SCGB2B2: variants seen among roughly 807,000 people sequenced by gnomAD.
The protein encoded by SCGB2B2 is secretoglobin family 2B member 2.
In SCGB2B2, 11 loss-of-function variants were observed where a neutral mutation model predicts 7.6. That is an observed-to-expected ratio of 1.45 (90% CI 0.91 to 2.40). SCGB2B2 has a LOEUF of 2.40. Among genes scored for constraint, SCGB2B2 ranks in the 30% most tolerant of loss-of-function variants. The pLI is 0.00. For synonymous variants in SCGB2B2, 50 were observed against 48.6 expected, an observed-to-expected ratio of 1.03 and a Z score of -0.12; for missense variants, 104 against 115.4, an observed-to-expected ratio of 0.90 and a Z score of 0.45.
intron 1 of SCGB2B2, among the ~76,000 whole-genome samples, chr19:34,613,102 CTTT>C (rs35050277): frequency 0.83 from 118,257 of 141,946 alleles, 49,771 homozygotes; most frequent in Middle Eastern, 0.9. Context: ...ATTTTCTTTT[CTTT>C]TTTTTTTTTT....
At position 34,594,370 on chromosome 19, in the gene SCGB2B2, TGAG is replaced by T; in HGVS notation, c.62-14_62-12del. On this transcript the variant is annotated splice_polypyrimidine_tract_variant and intron_variant, in intron 2 of 3. Transcript: ENST00000601241. ...CCAGGCAGGCATCCCCTGTGGAGGA[TGAG>T]GTGAGATAAGAAAACAGAGGAGGTC... 1 of 1,612,458 alleles carries T rather than the reference TGAG, an allele frequency of 6.2e-7. No individual in the cohort carries two copies. Among genetic ancestry groups the T allele is most frequent in the Non-Finnish European group, 8.5e-7 (1 of 1,178,850 alleles).
At chr19:34,630,483 C>T (rs1294787778) in intron 1 of SCGB2B2, among the ~76,000 whole-genome samples, 1 of 151,978 alleles carries the variant, frequency 6.6e-6, no homozygotes, top group South Asian at 2.1e-4. Context: ...CAAAAAAAGA[C>T]ACTTATGCAG....
At chr19:34,623,483 G>T (rs1358672776) in intron 1 of SCGB2B2, among the ~76,000 whole-genome samples, 4 of 152,160 alleles carry the variant, frequency 2.6e-5, no homozygotes, top group Non-Finnish European at 5.9e-5. Context: ...TCTGGGTCCT[G>T]GTGGCCATCA....
intron 1 of SCGB2B2, among the ~76,000 whole-genome samples, chr19:34,621,380 T>C (rs754826713): frequency 1.5e-4 from 23 of 151,896 alleles, no homozygotes; most frequent in Non-Finnish European, 1.5e-4. Flanking sequence ...GTGGGTTATA[T>C]TCACCTCTAA....
chr19:34,600,799 A>G (rs1198624824), intron 1 of SCGB2B2, among the ~76,000 whole-genome samples: 1 of 152,056 alleles, frequency 6.6e-6, no homozygotes, highest in Non-Finnish European at 1.5e-5. Context: ...TTAGTTGTTG[A>G]AAATGTCTTC....
intron 1 of SCGB2B2, among the ~76,000 whole-genome samples, chr19:34,659,288 A>G (rs1359964635): frequency 6.6e-6 from 1 of 152,250 alleles, no homozygotes; most frequent in Non-Finnish European, 1.5e-5. Context: ...AGTTCTGGCC[A>G]GGGCAATAAG....
chr19:34,655,399 T>A (rs1187510172), intron 1 of SCGB2B2, among the ~76,000 whole-genome samples: 1 of 151,222 alleles, frequency 6.6e-6, no homozygotes, highest in Admixed American at 6.6e-5. Context: ...AACCCAGGCA[T>A]TCCTTTTTAT....
At chr19:34,607,043 AT>A (rs2065800963) in intron 1 of SCGB2B2, among the ~76,000 whole-genome samples, 1 of 152,102 alleles carries the variant, frequency 6.6e-6, no homozygotes, top group South Asian at 2.1e-4. Context: ...TCACTCATTC[AT>A]CCCCCGGCTA....
In SCGB2B2 at chr19:34,652,102, CT is replaced by C. The variant is rs1375330143; in HGVS notation, c.-2032+23527del. Among the ~76,000 whole-genome samples, 5 of 151,132 alleles carry C rather than the reference CT, an allele frequency of 3.3e-5. 1 individual carries two copies. Among genetic ancestry groups the C allele is most frequent in the African/African-American group, 7.4e-5 (3 of 40,524 alleles). ...TGCCAAAAAAAATGAAACTAGACCC[CT>C]ATCTCTCATTATATTGATAAAATCA... On this transcript the variant is annotated intron_variant, in intron 1 of 3. Coordinates refer to ENST00000601241, the MANE Select transcript of SCGB2B2 (RefSeq NM_001025591.4).
intron 1 of SCGB2B2, among the ~76,000 whole-genome samples, chr19:34,602,584 G>T (rs192143024): frequency 1.3e-5 from 2 of 152,068 alleles, no homozygotes; most frequent in Non-Finnish European, 2.9e-5. Flanking sequence ...AGATAAGGCG[G>T]GAAATGAAAA....
intron 1 of SCGB2B2, among the ~76,000 whole-genome samples, chr19:34,631,250 A>G (rs569410605): frequency 6.6e-6 from 1 of 152,280 alleles, no homozygotes; most frequent in South Asian, 2.1e-4. Flanking sequence ...TGTACCCTAA[A>G]ACTTAAAGTG....
intron 1 of SCGB2B2, among the ~76,000 whole-genome samples, chr19:34,631,631 G>C (rs2066538181): frequency 6.6e-6 from 1 of 152,032 alleles, no homozygotes; most frequent in African/African-American, 2.4e-5. Context: ...AATAAAGGGA[G>C]AGATATGCCA....
chr19:34,606,511 CTTTTTCT>C (rs1014248733), intron 1 of SCGB2B2, among the ~76,000 whole-genome samples: 2,647 of 92,632 alleles, frequency 0.029, 33 homozygotes, highest in South Asian at 0.063. Flanking sequence ...TTTTTCTTTT[CTTTTTCT>C]TTTTTTTTTT....
At chr19:34,642,600 C>A (rs1208679580) in intron 1 of SCGB2B2, among the ~76,000 whole-genome samples, 1 of 151,172 alleles carries the variant, frequency 6.6e-6, no homozygotes, top group African/African-American at 2.4e-5. Flanking sequence ...CTTGTAATCC[C>A]AGCTACTTGA....
At chr19:34,611,357 T>C (rs1267073354) in intron 1 of SCGB2B2, among the ~76,000 whole-genome samples, 1 of 152,142 alleles carries the variant, frequency 6.6e-6, no homozygotes, top group East Asian at 1.9e-4. Context: ...CTCCTACTAA[T>C]TTTGGGTTTG....
chr19:34,635,953 C>T (rs1386936998), intron 1 of SCGB2B2, among the ~76,000 whole-genome samples: 3 of 152,200 alleles, frequency 2.0e-5, no homozygotes, highest in Admixed American at 6.5e-5. Context: ...CCCGTGTGTG[C>T]AGTTTGTGCC....
At chr19:34,644,357 T>G (rs912291687) in intron 1 of SCGB2B2, among the ~76,000 whole-genome samples, 8 of 101,412 alleles carry the variant, frequency 7.9e-5, no homozygotes, top group Non-Finnish European at 1.2e-4. Context: ...TTTGTTTTTT[T>G]TTTTGTTTTT....
chr19:34,631,675 G>A lies in SCGB2B2; in HGVS notation c.-2031-35081C>T, dbSNP rs770015532. On this transcript the variant is annotated intron_variant, in intron 1 of 3. Transcript: ENST00000601241. Reference sequence around the variant, plus strand: ...GGTTACAACACTCAATATTGTTAACGTTAAAATTCTCTTCAAATTGATATA... The same window carrying A: ...GGTTACAACACTCAATATTGTTAACATTAAAATTCTCTTCAAATTGATATA... 3.3e-5 allele frequency among the ~76,000 whole-genome samples: 5 copies of A among 152,020 alleles called. No individual in the cohort carries two copies. The East Asian group carries it at 5.8e-4, about 18-fold the overall frequency.
chr19:34,594,068 G>T, intron 3 of SCGB2B2, 107 bp downstream of exon 3: 1 of 925,974 alleles, frequency 1.1e-6, no homozygotes, highest in Non-Finnish European at 1.7e-6. Flanking sequence ...CTGGGATGTG[G>T]CTTCCTGCTT....
Sources: gnomAD v4.1 joint callset for allele counts (sites outside exome capture counted in the v4.1 genomes callset) on GRCh38, gnomAD v4.1.1 for gene constraint, MANE v1.5 for transcripts, NCBI Gene and HGNC (gene_info 2026-07-23, HGNC 2026-07-21) for gene names.